Variants in CCDC192 observed in about 807,000 individuals in gnomAD.
CCDC192 encodes the protein coiled-coil domain containing 192, also known as coiled-coil domain-containing protein 192.
intron 1 of CCDC192, among the ~76,000 whole-genome samples, chr5:127,706,100 AT>A (rs1750941707): frequency 6.6e-6 from 1 of 152,250 alleles, no homozygotes; most frequent in African/African-American, 2.4e-5. Context: ...CTTTGTGAAC[AT>A]TTGTAAATGG....
chr5:127,813,718 A>G (rs1758207326), intron 5 of CCDC192, among the ~76,000 whole-genome samples: 1 of 152,214 alleles, frequency 6.6e-6, no homozygotes, highest in Non-Finnish European at 1.5e-5. Context: ...GTTCAAGCAG[A>G]TGTGATTTCT....
chr5:127,900,904 C>T (rs865839466), intron 6 of CCDC192, among the ~76,000 whole-genome samples: 1 of 152,140 alleles, frequency 6.6e-6, no homozygotes, highest in Non-Finnish European at 1.5e-5. Context: ...AATACAGTTA[C>T]TGTGTGCCTC....
intron 5 of CCDC192, among the ~76,000 whole-genome samples, chr5:127,844,976 T>C (rs559181153): frequency 6.6e-6 from 1 of 152,286 alleles, no homozygotes; most frequent in African/African-American, 2.4e-5. Flanking sequence ...ACCCTTCTCT[T>C]TGTGGTTCTT....
chr5:127,704,440 G>A (rs1258942674), intron 1 of CCDC192, among the ~76,000 whole-genome samples: 1 of 152,140 alleles, frequency 6.6e-6, no homozygotes, highest in Non-Finnish European at 1.5e-5. Flanking sequence ...TGCCCACCTT[G>A]GCCTCCCAAA....
At chr5:127,865,221 A>G (rs1308444031) in intron 5 of CCDC192, among the ~76,000 whole-genome samples, 1 of 152,228 alleles carries the variant, frequency 6.6e-6, no homozygotes, top group Non-Finnish European at 1.5e-5. Flanking sequence ...ACATGGCTTC[A>G]TAACATGAAC....
chr5:127,707,809 G>C, intron 2 of CCDC192, 49 bp downstream of exon 2: 1 of 396,912 alleles, frequency 2.5e-6, no homozygotes, highest in Non-Finnish European at 4.4e-6. Flanking sequence ...AATCATTACA[G>C]GTAATGAAAC....
At chr5:127,896,464 G>A (rs543046716) in intron 6 of CCDC192, among the ~76,000 whole-genome samples, 22 of 144,402 alleles carry the variant, frequency 1.5e-4, no homozygotes, top group Non-Finnish European at 2.3e-4. Flanking sequence ...ACGGAGTTTC[G>A]CTTTTGTTGC....
At chr5:127,807,970 G>T (rs1757886141) in intron 5 of CCDC192, among the ~76,000 whole-genome samples, 1 of 152,058 alleles carries the variant, frequency 6.6e-6, no homozygotes, top group South Asian at 2.1e-4. Context: ...ACTGTGGGAG[G>T]ATTTTATAAG....
chr5:127,830,963 T>C (rs1249450476), intron 5 of CCDC192, among the ~76,000 whole-genome samples: 1 of 152,194 alleles, frequency 6.6e-6, no homozygotes, highest in South Asian at 2.1e-4. Flanking sequence ...TAATGCTCTG[T>C]TTTCAGCAAA....
intron 6 of CCDC192, among the ~76,000 whole-genome samples, chr5:127,907,308 TTA>T (rs968627770): frequency 2.4e-4 from 37 of 152,240 alleles, no homozygotes; most frequent in African/African-American, 8.9e-4. Flanking sequence ...TTTTCAAATT[TTA>T]TGTTTTAAAA....
At chr5:127,838,992 C>A (rs894558976) in intron 5 of CCDC192, among the ~76,000 whole-genome samples, 47 of 152,196 alleles carry the variant, frequency 3.1e-4, no homozygotes, top group African/African-American at 1.1e-3. Flanking sequence ...CCACAGGAAG[C>A]TGTTATTCTC....
At chr5:127,933,545 T>C (rs1176113840) in intron 6 of CCDC192, among the ~76,000 whole-genome samples, 1 of 152,196 alleles carries the variant, frequency 6.6e-6, no homozygotes, top group Non-Finnish European at 1.5e-5. Flanking sequence ...ACATGAGTGA[T>C]GCGAGTGGTT....
At chr5:127,767,334 G>A (rs546642293) in intron 3 of CCDC192, among the ~76,000 whole-genome samples, 29 of 152,334 alleles carry the variant, frequency 1.9e-4, no homozygotes, top group African/African-American at 6.7e-4. Context: ...GTAAACTACC[G>A]TGGGGAGAGA....
Position 127,816,746 on chromosome 5 carries a change from C to T in CCDC192, c.411+18584C>T, listed in dbSNP as rs190414804. Among the ~76,000 whole-genome samples, 51 of 152,208 alleles carry T rather than the reference C, an allele frequency of 3.4e-4. No individual in the cohort carries two copies. In the East Asian group the frequency reaches 7.9e-3, roughly 24 times the overall value. On this transcript the variant is annotated intron_variant, in intron 5 of 6. Transcript: ENST00000514853. The stretch of plus-strand genomic sequence containing the variant: ...TGTTTCAAGCCTTGCACTGAGGATG[C>T]GAGGGAGGCTTCTGCTTTGAGAAAG...
Position 127,797,232 on chromosome 5 carries a change from C to G in CCDC192, c.352C>G (p.Gln118Glu). 1 of 397,862 alleles carries G rather than the reference C, an allele frequency of 2.5e-6. No homozygotes were observed. 24.6% of individuals were successfully genotyped at this position (397,862 alleles called of 1,614,324 possible). A position where few individuals can be genotyped will look rare whatever the true frequency, so the allele number is the denominator to read the frequency against. ...PYEKMVLVKD[Q>E]CIQKLQAEVK... ...TGAAAAAATGGTTCTTGTGAAAGAC[C>G]AGGTATGTTGTAGAACAAAGTCATC... Residue 118 changes from glutamine to glutamate, a missense_variant and splice_region_variant, in exon 4 of 7, where the codon CAG (glutamine) becomes GAG (glutamate). Physicochemically the swap from Gln to Glu is conservative, Grantham distance 29 (BLOSUM62 2). Coordinates refer to ENST00000514853, the MANE Select transcript of CCDC192 (RefSeq NM_001317938.2).
rs1561494030 is a variant in CCDC192, at chr5:127,797,752, TATATATATATA to T, written c.355-353_355-343del. ...GAAGGTATATATATATATATATATA[TATATATATATA>T]TATATATATATATATTTATTTATTT... On this transcript the variant is annotated intron_variant, in intron 4 of 6. Coordinates refer to ENST00000514853, the MANE Select transcript of CCDC192 (RefSeq NM_001317938.2). 1.8e-4 allele frequency among the ~76,000 whole-genome samples: 24 copies of T among 137,092 alleles called. 1 individual carries two copies. The highest frequency in any genetic ancestry group is 5.2e-4 in the African/African-American group (19 of 36,722). 89.9% of individuals were successfully genotyped at this position (137,092 alleles called of 152,430 possible).
At chr5:127,889,823 C>G (rs944116994) in intron 6 of CCDC192, among the ~76,000 whole-genome samples, 3 of 152,238 alleles carry the variant, frequency 2.0e-5, no homozygotes, top group Non-Finnish European at 2.9e-5. Flanking sequence ...TTCTGCACAC[C>G]TCTTTCTGAA....
At chr5:127,776,424 G>A (rs539423347) in intron 3 of CCDC192, among the ~76,000 whole-genome samples, 3 of 152,302 alleles carry the variant, frequency 2.0e-5, no homozygotes, top group South Asian at 4.1e-4. Flanking sequence ...CTTGGGTGCT[G>A]TTGTTAAAAG....
At chr5:127,733,702 G>GT (rs1448484432) in intron 2 of CCDC192, among the ~76,000 whole-genome samples, 1 of 152,018 alleles carries the variant, frequency 6.6e-6, no homozygotes, top group Non-Finnish European at 1.5e-5. Context: ...CCTATAACCT[G>GT]TCACTTTCCC....
Sources: allele counts gnomAD v4.1 joint callset (sites outside exome capture counted in the v4.1 genomes callset), GRCh38; gene constraint gnomAD v4.1.1; transcripts MANE v1.5; gene names NCBI Gene and HGNC (gene_info 2026-07-23, HGNC 2026-07-21).